Variants in ERBB4 observed in about 807,000 individuals in gnomAD.
ERBB4 encodes erb-b2 receptor tyrosine kinase 4, also known as receptor tyrosine-protein kinase erbB-4.
In ERBB4, 42 loss-of-function variants were observed where a neutral mutation model predicts 158.0. The observed-to-expected ratio is 0.27, with a 90% CI of 0.21 to 0.34. ERBB4 has a LOEUF of 0.34. Among genes scored for constraint, ERBB4 ranks in the 10% least tolerant of loss-of-function variants. The pLI, the probability that ERBB4 is intolerant of heterozygous loss-of-function variation, is 1.00. For synonymous variants in ERBB4, 583 were observed against 558.7 expected (o/e 1.04, Z -0.61); for missense variants, 1,333 against 1,624.1 (o/e 0.82, Z 3.08).
intron 20 of ERBB4, among the ~76,000 whole-genome samples, chr2:211,538,683 G>A (rs1291681741): frequency 1.3e-5 from 2 of 151,774 alleles, no homozygotes; most frequent in Non-Finnish European, 2.9e-5. Context: ...TGTTACAGAG[G>A]TTCAAGCATG....
At chr2:211,457,538 C>G (rs1226396852) in intron 20 of ERBB4, among the ~76,000 whole-genome samples, 1 of 152,194 alleles carries the variant, frequency 6.6e-6, no homozygotes. Flanking sequence ...ATCGAACACT[C>G]AAGGTTAGAG....
intron 3 of ERBB4, among the ~76,000 whole-genome samples, chr2:211,803,554 A>C (rs1253620482): frequency 6.6e-6 from 1 of 152,186 alleles, no homozygotes; most frequent in African/African-American, 2.4e-5. Context: ...AAGAGCACTG[A>C]CTGCTCAGCC....
intron 7 of ERBB4, among the ~76,000 whole-genome samples, chr2:211,716,039 TGGATTAG>T (rs2073884651): frequency 2.6e-5 from 4 of 152,202 alleles, no homozygotes; most frequent in African/African-American, 9.7e-5. Flanking sequence ...TTCAGAATTC[TGGATTAG>T]GAACTGTAGA....
At chr2:211,545,993 T>A (rs1042949291) in intron 20 of ERBB4, among the ~76,000 whole-genome samples, 8 of 152,120 alleles carry the variant, frequency 5.3e-5, no homozygotes, top group African/African-American at 1.9e-4. Context: ...ACCACTCAGC[T>A]CACCCTCCCT....
chr2:211,484,167 T>C (rs1303495918), intron 20 of ERBB4, among the ~76,000 whole-genome samples: 1 of 151,958 alleles, frequency 6.6e-6, no homozygotes, highest in Non-Finnish European at 1.5e-5. Flanking sequence ...CAAAGAGTTA[T>C]AGCTAATGAA....
rs140795225 is a variant in ERBB4 at position 212,323,592 on chromosome 2, T to C, written c.83-198689A>G. ...CCTCTCAAAGTTTAATAATATAACA[T>C]AATAATGACAATGATTAATGGTGGT... On this transcript the variant is annotated intron_variant, in intron 1 of 27. Coordinates refer to ENST00000342788, the MANE Select transcript of ERBB4 (RefSeq NM_005235.3). 7.3e-5 allele frequency among the ~76,000 whole-genome samples: 11 copies of C among 150,596 alleles called. No homozygotes were observed. The East Asian group carries it at 2.1e-3, about 29-fold the overall frequency.
intron 20 of ERBB4, among the ~76,000 whole-genome samples, chr2:211,471,781 G>A (rs2064833592): frequency 6.6e-6 from 1 of 152,130 alleles, no homozygotes; most frequent in South Asian, 2.1e-4. Flanking sequence ...CAATCAGAGG[G>A]ACAGCAGATA....
intron 3 of ERBB4, among the ~76,000 whole-genome samples, chr2:211,862,433 A>C (rs2078083581): frequency 6.6e-6 from 1 of 152,140 alleles, no homozygotes. Flanking sequence ...ATTGTCTTAG[A>C]TGAGAAAAGG....
chr2:212,484,533 T>C (rs369927515), intron 1 of ERBB4, among the ~76,000 whole-genome samples: 41 of 152,260 alleles, frequency 2.7e-4, no homozygotes, highest in African/African-American at 9.4e-4. Context: ...AATTCTCTTT[T>C]CTGATTCCAC....
chr2:211,706,407 CAGAT>C (rs780158667), intron 9 of ERBB4, among the ~76,000 whole-genome samples: 6 of 152,068 alleles, frequency 3.9e-5, no homozygotes, highest in Non-Finnish European at 7.4e-5. Context: ...CCCTGACAAA[CAGAT>C]AGGCATATGG....
chr2:211,876,892 A>C, intron 3 of ERBB4, among the ~76,000 whole-genome samples: 1 of 152,202 alleles, frequency 6.6e-6, no homozygotes. Context: ...ACAGTATTAA[A>C]TGAAAAAATT....
chr2:211,989,569 C>A (rs2082020567), intron 2 of ERBB4, among the ~76,000 whole-genome samples: 1 of 151,292 alleles, frequency 6.6e-6, no homozygotes, highest in Admixed American at 6.6e-5. Context: ...TCCCCTTTTT[C>A]AATTATGCTA....
At chr2:212,383,012 G>T in intron 1 of ERBB4, among the ~76,000 whole-genome samples, 1 of 150,628 alleles carries the variant, frequency 6.6e-6, no homozygotes, top group East Asian at 1.9e-4. Context: ...GCGATATGGT[G>T]CTTTTGACTT....
chr2:211,521,903 C>G (rs2066195931), intron 20 of ERBB4, among the ~76,000 whole-genome samples: 1 of 152,132 alleles, frequency 6.6e-6, no homozygotes, highest in African/African-American at 2.4e-5. Context: ...CTGTTAAGAT[C>G]TACTGCTCAG....
At chr2:211,589,278 TCTTTC>T (rs1483665111) in intron 19 of ERBB4, among the ~76,000 whole-genome samples, 5 of 152,294 alleles carry the variant, frequency 3.3e-5, no homozygotes, top group African/African-American at 1.2e-4. Context: ...GATGATCTCT[TCTTTC>T]CTTAGGTGTA....
At chr2:211,552,973 A>AT (rs34100604) in intron 20 of ERBB4, among the ~76,000 whole-genome samples, 15,504 of 146,830 alleles carry the variant, frequency 0.11, 1,803 homozygotes, top group African/African-American at 0.29. Context: ...CAAATAATAC[A>AT]TTTTTTTTTT....
At chr2:211,471,555 A>G (rs1391467265) in intron 20 of ERBB4, among the ~76,000 whole-genome samples, 1 of 152,156 alleles carries the variant, frequency 6.6e-6, no homozygotes, top group Non-Finnish European at 1.5e-5. Context: ...TGAAAAATAT[A>G]GATATTGTAT....
chr2:212,160,126 T>C (rs1269910551), intron 1 of ERBB4, among the ~76,000 whole-genome samples: 1 of 151,948 alleles, frequency 6.6e-6, no homozygotes, highest in Non-Finnish European at 1.5e-5. Flanking sequence ...AGCATAACCC[T>C]TTCCTCAGAA....
intron 2 of ERBB4, among the ~76,000 whole-genome samples, chr2:212,095,884 G>A (rs1404431255): frequency 6.8e-6 from 1 of 147,774 alleles, no homozygotes; most frequent in Non-Finnish European, 1.5e-5. Context: ...GCAGTGAGCC[G>A]AGATGGTGCT....
Sources: gnomAD v4.1 joint callset for allele counts (sites outside exome capture counted in the v4.1 genomes callset) on GRCh38, gnomAD v4.1.1 for gene constraint, MANE v1.5 for transcripts, NCBI Gene and HGNC (gene_info 2026-07-23, HGNC 2026-07-21) for gene names.